The following PALD1 variants were observed in gnomAD, a reference collection of about 807,000 sequenced individuals.
The protein encoded by PALD1 is phosphatase domain containing paladin 1, also known as paladin.
PALD1 carries 57 observed loss-of-function variants against 96.0 expected under a neutral mutation model. The observed-to-expected ratio is 0.59, with a 90% CI of 0.48 to 0.74. PALD1 has a LOEUF of 0.74. Among genes scored for constraint, PALD1 ranks in the 30% least tolerant of loss-of-function variants. PALD1 has a pLI of 0.00. For synonymous variants in PALD1, 464 were observed against 473.6 expected (o/e 0.98, Z 0.26); for missense variants, 1,063 against 1,143.7 (o/e 0.93, Z 1.02).
At chr10:70,497,314 G>A (rs1307010039) in intron 1 of PALD1, among the ~76,000 whole-genome samples, 3 of 152,236 alleles carry the variant, frequency 2.0e-5, no homozygotes, top group Non-Finnish European at 4.4e-5. Flanking sequence ...TGTGCTCCTG[G>A]CGGGTGCAGG....
Position 70,494,498 on chromosome 10 carries a change from C to T in PALD1, c.-30+15439C>T, listed in dbSNP as rs74768859. Among the ~76,000 whole-genome samples the T allele has an allele frequency of 8.1e-3, 1,236 of 152,332 alleles. 18 individuals carry two copies. The highest frequency in any genetic ancestry group is 0.028 in the African/African-American group (1,177 of 41,568). On this transcript the variant is annotated intron_variant, in intron 1 of 19. Coordinates refer to ENST00000263563, the MANE Select transcript of PALD1 (RefSeq NM_014431.3). ...GTCTCTCCACTCCCTGCCCAGGGCT[C>T]TCTGGCTGAACCACAGTTGCCACCT...
the PALD1 span, among the ~76,000 whole-genome samples, chr10:70,463,228 A>C: frequency 0.064 from 9,698 of 151,964 alleles, 723 homozygotes; most frequent in East Asian, 0.39. Context: ...CACGGTGAAA[A>C]CCCATCTCTA....
chr10:70,564,390 A>G lies in PALD1; in HGVS notation c.2289A>G (p.Glu763=), dbSNP rs753570722. 4 of 1,613,900 alleles carry G rather than the reference A, an allele frequency of 2.5e-6. No homozygotes were observed. The highest frequency in any genetic ancestry group is 2.5e-6 in the Non-Finnish European group (3 of 1,179,966). Residue 763 remains glutamate (E), a synonymous_variant, in exon 19 of 20, where the codon GAA becomes GAG. Coordinates refer to ENST00000263563, the MANE Select transcript of PALD1 (RefSeq NM_014431.3). ...RQAKAAKEAQ[E]MRRLQLRSLQ... is the part of the protein sequence containing the mutation. ...CGAAGGCAGCGAAAGAGGCGCAAGA[A>G]ATGCGGAGGCTGCAGCTGCGGAGCC...
chr10:70,526,582 C>T (rs1846873012), intron 2 of PALD1, among the ~76,000 whole-genome samples: 1 of 152,168 alleles, frequency 6.6e-6, no homozygotes, highest in African/African-American at 2.4e-5. Flanking sequence ...AGTTGGCTGT[C>T]CTAATGATGC....
At chr10:70,496,696 GT>G (rs1846201370) in intron 1 of PALD1, among the ~76,000 whole-genome samples, 2 of 152,122 alleles carry the variant, frequency 1.3e-5, no homozygotes, top group Admixed American at 1.3e-4. Flanking sequence ...TTTGGTGCTT[GT>G]GGATAAAGCT....
the PALD1 span, among the ~76,000 whole-genome samples, chr10:70,468,820 TC>T: frequency 1.2e-4 from 18 of 150,430 alleles, no homozygotes; most frequent in Non-Finnish European, 1.9e-4. Context: ...CACGGCAACC[TC>T]CGCCCCCCAG....
chr10:70,477,083 T>G (rs190950152), upstream of PALD1, among the ~76,000 whole-genome samples: 54 of 152,226 alleles, frequency 3.5e-4, no homozygotes, highest in East Asian at 8.5e-3. Flanking sequence ...CTCACACACA[T>G]GTTGCTCCTA....
the PALD1 span, among the ~76,000 whole-genome samples, chr10:70,473,070 T>C: frequency 1.3e-5 from 2 of 152,018 alleles, no homozygotes; most frequent in African/African-American, 2.4e-5. Flanking sequence ...AAAACTCAGG[T>C]CTTGTCTGAT....
intron 18 of PALD1, among the ~76,000 whole-genome samples, chr10:70,554,435 A>G (rs12761835): frequency 0.2 from 24,297 of 122,222 alleles, 2,154 homozygotes; most frequent in Middle Eastern, 0.31. Flanking sequence ...TCTCAAAACA[A>G]ACAAATAAAC....
intron 10 of PALD1, among the ~76,000 whole-genome samples, chr10:70,536,943 C>T (rs1847127045): frequency 6.6e-6 from 1 of 152,110 alleles, no homozygotes; most frequent in African/African-American, 2.4e-5. Context: ...GGTCAGGAGA[C>T]TTGGGGAATC....
chr10:70,468,197 T>G, the PALD1 span, among the ~76,000 whole-genome samples: 1 of 152,074 alleles, frequency 6.6e-6, no homozygotes, highest in South Asian at 2.1e-4. Flanking sequence ...CTTCCCTCTG[T>G]CGGAGTAGTT....
At position 70,567,492 on chromosome 10, in the gene PALD1, G is replaced by A. The variant is rs1847878201; in HGVS notation, c.*759G>A. On this transcript the variant is annotated 3_prime_UTR_variant, in exon 20 of 20. Transcript: ENST00000263563. The stretch of plus-strand genomic sequence containing the variant: ...GAAGAGGCCTGCTCCACTTGTCTGG[G>A]AACCTGGGCAGGAGGCACAGAGGAA... 1 of 152,926 alleles carries A rather than the reference G, an allele frequency of 6.5e-6. No homozygotes were observed. The highest frequency in any genetic ancestry group is 1.5e-5 in the Non-Finnish European group (1 of 68,186). The allele number at this position is 152,926 out of a possible 1,614,324, so 9.5% of individuals were successfully genotyped here.
intron 18 of PALD1, among the ~76,000 whole-genome samples, chr10:70,561,176 T>A (rs1274631780): frequency 6.6e-6 from 1 of 152,214 alleles, no homozygotes; most frequent in Non-Finnish European, 1.5e-5. Flanking sequence ...CTTACCCGTG[T>A]CTCTTGCAAC....
At chr10:70,491,896 A>T (rs1235364985) in intron 1 of PALD1, among the ~76,000 whole-genome samples, 4 of 152,166 alleles carry the variant, frequency 2.6e-5, no homozygotes, top group Non-Finnish European at 5.9e-5. Context: ...TTCAGGGCTC[A>T]TCTGTGTTGT....
intron 1 of PALD1, among the ~76,000 whole-genome samples, chr10:70,513,442 G>A (rs1003096430): frequency 1.3e-5 from 2 of 152,278 alleles, no homozygotes; most frequent in East Asian, 1.9e-4. Flanking sequence ...TCCGGGAGGC[G>A]GAGGTTGCAG....
chr10:70,566,407 G>C (rs4747057), intron 19 of PALD1, among the ~76,000 whole-genome samples, 174 bp from the exon 20 acceptor site: 19,650 of 152,146 alleles, frequency 0.13, 1,336 homozygotes, highest in African/African-American at 0.17. Context: ...CTGTGAGGTA[G>C]AGTCTTTTCC....
At chr10:70,461,586 G>A in the PALD1 span, among the ~76,000 whole-genome samples, 1 of 152,190 alleles carries the variant, frequency 6.6e-6, no homozygotes, top group Admixed American at 6.5e-5. Context: ...TGGCCTCCCA[G>A]ACCAGAGCTT....
At chr10:70,481,062 G>A (rs1269365362) in intron 1 of PALD1, among the ~76,000 whole-genome samples, 12 of 152,216 alleles carry the variant, frequency 7.9e-5, no homozygotes, top group Non-Finnish European at 1.2e-4. Context: ...CCCCACATGG[G>A]AGGCAGACAT....
intron 18 of PALD1, among the ~76,000 whole-genome samples, chr10:70,549,404 C>T (rs1847433155): frequency 6.6e-6 from 1 of 152,234 alleles, no homozygotes; most frequent in Non-Finnish European, 1.5e-5. Context: ...AGAGCCCCTA[C>T]CTCCCTGACT....
Sources: gnomAD v4.1 joint callset for allele counts (sites outside exome capture counted in the v4.1 genomes callset) on GRCh38, gnomAD v4.1.1 for gene constraint, MANE v1.5 for transcripts, NCBI Gene and HGNC (gene_info 2026-07-23, HGNC 2026-07-21) for gene names.